PTPRT: variants seen among roughly 807,000 people sequenced by gnomAD.
PTPRT encodes the protein receptor-type tyrosine-protein phosphatase T.
A neutral mutation model predicts 176.8 loss-of-function variants in PTPRT; 56 were observed. That is an observed-to-expected ratio of 0.32 (90% CI 0.26 to 0.40). PTPRT has a LOEUF of 0.40. PTPRT is among the 10% of genes least tolerant of loss of function. The pLI is 1.00. For missense variants in PTPRT, 1,540 were observed against 1,908.2 expected (o/e 0.81, Z 3.60); for synonymous variants, 783 against 739.0 (o/e 1.06, Z -0.96).
intron 9 of PTPRT, among the ~76,000 whole-genome samples, chr20:42,425,006 G>A (rs1392066121): frequency 2.0e-5 from 3 of 151,846 alleles, no homozygotes; most frequent in South Asian, 2.1e-4. Context: ...TTGACATTAC[G>A]GAATTTACTG....
intron 1 of PTPRT, among the ~76,000 whole-genome samples, chr20:43,041,890 A>C (rs1225719734): frequency 6.6e-6 from 1 of 152,234 alleles, no homozygotes; most frequent in Non-Finnish European, 1.5e-5. Context: ...ACAAGGCCTA[A>C]AATATTTACA....
At chr20:42,472,709 ATAATT>A (rs1257088339) in intron 7 of PTPRT, 147 bp from the exon 8 acceptor site, 2 of 793,148 alleles carry the variant, frequency 2.5e-6, no homozygotes, top group Non-Finnish European at 3.9e-6. Flanking sequence ...CACAGGCAAT[ATAATT>A]TAGAGAACAT....
At chr20:43,005,517 G>A (rs567591573) in intron 1 of PTPRT, among the ~76,000 whole-genome samples, 81 of 152,238 alleles carry the variant, frequency 5.3e-4, no homozygotes, top group African/African-American at 1.9e-3. Flanking sequence ...ACAACACCCT[G>A]CTTGTCTCCT....
At chr20:43,012,576 G>A (rs896110597) in intron 1 of PTPRT, among the ~76,000 whole-genome samples, 1 of 152,292 alleles carries the variant, frequency 6.6e-6, no homozygotes, top group Admixed American at 6.5e-5. Context: ...GGTGTGTTTT[G>A]TTATGTATAT....
chr20:42,401,318 G>C (rs553699067), intron 9 of PTPRT, among the ~76,000 whole-genome samples: 1 of 152,014 alleles, frequency 6.6e-6, no homozygotes, highest in East Asian at 1.9e-4. Context: ...TGCAAGGAAA[G>C]TTCTGCCAAC....
intron 7 of PTPRT, among the ~76,000 whole-genome samples, chr20:42,663,017 A>AAT (rs1313418280): frequency 1.3e-5 from 2 of 151,860 alleles, no homozygotes; most frequent in African/African-American, 2.4e-5. Context: ...TATATACATG[A>AAT]ATATATATAC....
chr20:42,032,640 G>A, the PTPRT span, among the ~76,000 whole-genome samples: 1 of 152,124 alleles, frequency 6.6e-6, no homozygotes, highest in African/African-American at 2.4e-5. Flanking sequence ...CCTTTTAAGT[G>A]TGGGCTGGCC....
chr20:43,013,105 G>C (rs552307929), intron 1 of PTPRT, among the ~76,000 whole-genome samples: 119 of 151,750 alleles, frequency 7.8e-4, no homozygotes, highest in Non-Finnish European at 1.1e-3. Flanking sequence ...CAGGTACACT[G>C]TATATCTGCT....
chr20:42,217,387 A>G (rs1176797016), intron 15 of PTPRT, among the ~76,000 whole-genome samples: 1 of 114,442 alleles, frequency 8.7e-6, no homozygotes, highest in Non-Finnish European at 1.8e-5. Flanking sequence ...ACACACACAC[A>G]CACACACACA....
intron 24 of PTPRT, among the ~76,000 whole-genome samples, 166 bp from the exon 25 acceptor site, chr20:42,104,884 T>A (rs1399727836): frequency 1.3e-5 from 2 of 152,216 alleles, no homozygotes; most frequent in Non-Finnish European, 2.9e-5. Context: ...TTTCCATGTT[T>A]CCTAATGATC....
At chr20:42,292,945 T>C (rs1221257886) in intron 12 of PTPRT, among the ~76,000 whole-genome samples, 1 of 152,210 alleles carries the variant, frequency 6.6e-6, no homozygotes, top group African/African-American at 2.4e-5. Context: ...GCACGTATGC[T>C]GGATTCTGCA....
At chr20:42,590,052 A>G (rs750850813) in intron 7 of PTPRT, among the ~76,000 whole-genome samples, 6 of 152,128 alleles carry the variant, frequency 3.9e-5, no homozygotes, top group Non-Finnish European at 8.8e-5. Flanking sequence ...CTGAAGCTAA[A>G]CATAAAAGTT....
At chr20:42,629,570 G>T (rs6102960) in intron 7 of PTPRT, among the ~76,000 whole-genome samples, 16,819 of 152,158 alleles carry the variant, frequency 0.11, 3,091 homozygotes, top group African/African-American at 0.38. Context: ...TGCCTGGTTG[G>T]GGGAAGATAT....
chr20:42,157,802 G>T (rs1274227965), intron 17 of PTPRT, among the ~76,000 whole-genome samples: 1 of 152,192 alleles, frequency 6.6e-6, no homozygotes, highest in East Asian at 1.9e-4. Context: ...GGGCCACAAC[G>T]GTGATGCACT....
At chr20:42,465,163 C>T (rs1309704510) in intron 8 of PTPRT, among the ~76,000 whole-genome samples, 1 of 151,956 alleles carries the variant, frequency 6.6e-6, no homozygotes, top group East Asian at 1.9e-4. Context: ...ACTCTTTGCT[C>T]CTTCACATTT....
intron 7 of PTPRT, among the ~76,000 whole-genome samples, chr20:42,647,081 G>C (rs2074922954): frequency 6.6e-6 from 1 of 151,536 alleles, no homozygotes; most frequent in Admixed American, 6.6e-5. Flanking sequence ...TTGTTTTGTA[G>C]AGATGGGGTC....
chr20:42,231,898 T>C (rs2056141532), intron 15 of PTPRT, among the ~76,000 whole-genome samples: 1 of 152,220 alleles, frequency 6.6e-6, no homozygotes. Flanking sequence ...CTTTCAAAGA[T>C]GGAGAGCACT....
chr20:42,950,262 G>A (rs1981157308), intron 1 of PTPRT, among the ~76,000 whole-genome samples: 1 of 152,158 alleles, frequency 6.6e-6, no homozygotes, highest in Non-Finnish European at 1.5e-5. Flanking sequence ...AAAATTGGTG[G>A]TTTCTATAGA....
chr20:42,585,108 C>T (rs2073449097), intron 7 of PTPRT, among the ~76,000 whole-genome samples: 1 of 152,134 alleles, frequency 6.6e-6, no homozygotes, highest in Non-Finnish European at 1.5e-5. Flanking sequence ...TTTATTTTAA[C>T]TTAACTTTCT....
Sources: allele counts gnomAD v4.1 joint callset (sites outside exome capture counted in the v4.1 genomes callset), GRCh38; gene constraint gnomAD v4.1.1; transcripts MANE v1.5; gene names NCBI Gene and HGNC (gene_info 2026-07-23, HGNC 2026-07-21).